REXO5: variants seen among roughly 807,000 people sequenced by gnomAD.
REXO5 encodes RNA exonuclease 5, also known as exonuclease NEF-sp.
A neutral mutation model predicts 88.5 loss-of-function variants in REXO5; 48 were observed. The ratio of observed to expected loss-of-function variants is 0.54; its 90% CI spans 0.43 to 0.69. REXO5 has a LOEUF of 0.69. Among genes scored for constraint, REXO5 ranks in the 30% least tolerant of loss-of-function variants. The pLI, the probability that REXO5 is intolerant of heterozygous loss-of-function variation, is 0.00. For synonymous variants in REXO5, 311 were observed against 336.5 expected, an observed-to-expected ratio of 0.92 and a Z score of 0.83; for missense variants, 749 against 912.2, an observed-to-expected ratio of 0.82 and a Z score of 2.30.
At chr16:20,807,983 C>T (rs746683809) in intron 2 of REXO5, among the ~76,000 whole-genome samples, 48 of 152,136 alleles carry the variant, frequency 3.2e-4, no homozygotes, top group Non-Finnish European at 6.2e-4. Context: ...GAGCGGTGGC[C>T]GATAGAACGT....
In REXO5 at chr16:20,843,947, T is replaced by A. The variant is rs1418477253; in HGVS notation, c.1640T>A (p.Ile547Lys). The change falls in exon 16 of 20, where the codon ATA (isoleucine) becomes AAA (lysine). Residue 547 changes from isoleucine to lysine, a missense_variant. Ile to Lys is a moderately radical substitution (Grantham distance 102, BLOSUM62 -3). Transcript: ENST00000261377. ...VLETRQPHLC[I>K]QYEVLEAAQL... ...GTCTTTCTGCAGCCTCATCTCTGTA[T>A]ACAGTATGAAGTCCTAGAAGCTGCC... 1 of 1,605,268 alleles carries A rather than the reference T, an allele frequency of 6.2e-7. No homozygotes were observed. Among genetic ancestry groups the A allele is most frequent in the Admixed American group, 1.7e-5 (1 of 59,938 alleles).
chr16:20,811,143 G>A (rs776307377), intron 2 of REXO5, among the ~76,000 whole-genome samples: 1 of 152,026 alleles, frequency 6.6e-6, no homozygotes, highest in South Asian at 2.1e-4. Context: ...TCCTAGTCCT[G>A]GACTGTCTCC....
At chr16:20,827,536 C>T (rs2081278007) in intron 10 of REXO5, 89 bp downstream of exon 10, 3 of 944,940 alleles carry the variant, frequency 3.2e-6, no homozygotes, top group African/African-American at 3.3e-5. Context: ...TTGCAAAATT[C>T]AGGGTTTCTG....
At chr16:20,824,564 C>T (rs2081233334) in intron 7 of REXO5, 37 bp downstream of exon 7, 2 of 1,230,806 alleles carry the variant, frequency 1.6e-6, no homozygotes, top group African/African-American at 3.0e-5. Flanking sequence ...TGGAGTGTTG[C>T]AAGCTGAGGT....
intron 14 of REXO5, 21 bp downstream of exon 14, chr16:20,839,880 G>T (rs1192133206): frequency 4.1e-6 from 6 of 1,448,722 alleles, no homozygotes; most frequent in Non-Finnish European, 4.8e-6. Flanking sequence ...GGGTTCTGCT[G>T]AATGATTTAT....
In REXO5 at chr16:20,806,575, G is replaced by A. The variant is rs1038558720; in HGVS notation, c.-133G>A. The A allele has an allele frequency of 6.8e-7, 1 of 1,463,732 alleles. No homozygotes were observed. Among genetic ancestry groups the A allele is most frequent in the Non-Finnish European group, 9.0e-7 (1 of 1,106,264 alleles). The allele number at this position is 1,463,732 out of a possible 1,614,324, so 90.7% of individuals were successfully genotyped here. ...AGGGGAGAACCTCTGCTCCCCGCCC[G>A]TCTTCTCTTCTGCGTTTCCCGGGCT... is the stretch of plus-strand genomic sequence containing the variant. On this transcript the variant is annotated 5_prime_UTR_variant, in exon 1 of 20. Transcript: ENST00000261377.
intron 2 of REXO5, among the ~76,000 whole-genome samples, chr16:20,810,319 G>C (rs146516833): frequency 2.0e-5 from 3 of 152,062 alleles, no homozygotes; most frequent in African/African-American, 7.2e-5. Context: ...ATATTTTTCT[G>C]TATTTTACTT....
intron 19 of REXO5, among the ~76,000 whole-genome samples, chr16:20,848,763 G>A (rs1026426764): frequency 6.6e-6 from 1 of 152,162 alleles, no homozygotes; most frequent in Admixed American, 6.5e-5. Context: ...ACCACACCAG[G>A]TTTTTTACAA....
Position 20,813,344 on chromosome 16 carries a change from C to CTTT in REXO5, c.251+60_251+62dup, listed in dbSNP as rs56875427. The CTTT allele has an allele frequency of 1.1e-3, 681 of 643,734 alleles. 6 individuals carry two copies. In the African/African-American group the frequency reaches 0.012, roughly 12 times the overall value. The allele number at this position is 643,734 out of a possible 1,614,324, so 39.9% of individuals were successfully genotyped here. A position where few individuals can be genotyped will look rare whatever the true frequency, so the allele number is the denominator to read the frequency against. ...AATGGTGGGTATTGACCAGCGGTTT[C>CTTT]TTTTTTTTTTTTTTTTTTTTACCTC... On this transcript the variant is annotated intron_variant, in intron 3 of 19. Transcript: ENST00000261377.
rs568198182 is a variant in REXO5 at position 20,814,848 on chromosome 16, C to T, written c.252-79C>T. 6.5e-6 allele frequency: 9 copies of T among 1,393,144 alleles called. No individual in the cohort carries two copies. The East Asian group carries it at 2.0e-4, about 32-fold the overall frequency. The allele number at this position is 1,393,144 out of a possible 1,614,324, so 86.3% of individuals were successfully genotyped here. On this transcript the variant is annotated intron_variant, in intron 3 of 19. Coordinates refer to ENST00000261377, the MANE Select transcript of REXO5 (RefSeq NM_030941.3). ...TCACTCACTGCTTTTCCTGCGCCTT[C>T]TCCCCTATTTCCCCTCTATATGACT...
chr16:20,813,887 A>C (rs932498097), intron 3 of REXO5, among the ~76,000 whole-genome samples: 36 of 152,014 alleles, frequency 2.4e-4, no homozygotes, highest in Middle Eastern at 3.2e-3. Context: ...AGCGAGACTC[A>C]GGCCCTACAA....
chr16:20,844,909 C>T, intron 17 of REXO5, 64 bp downstream of exon 17: 1 of 1,554,398 alleles, frequency 6.4e-7, no homozygotes, highest in Non-Finnish European at 8.8e-7. Flanking sequence ...AACATGAGGT[C>T]AGAGAAAGGA....
intron 19 of REXO5, among the ~76,000 whole-genome samples, chr16:20,848,602 A>C (rs1436199712): frequency 6.6e-6 from 1 of 152,220 alleles, no homozygotes; most frequent in African/African-American, 2.4e-5. Flanking sequence ...GTTTAAGTTC[A>C]TACATCAGGT....
In REXO5 at chr16:20,822,549, A is replaced by G. The variant is rs1285549379; in HGVS notation, c.616+647A>G. Among the ~76,000 whole-genome samples, 5 of 152,314 alleles carry G rather than the reference A, an allele frequency of 3.3e-5. No homozygotes were observed. In the East Asian group the frequency reaches 9.6e-4, roughly 29 times the overall value. ...AATTTTAGAACACTTCTATCATCCCAAAAGAAACCCTGTATTATAATTTCC... is the reference window on the plus strand; with the variant it reads ...AATTTTAGAACACTTCTATCATCCCGAAAGAAACCCTGTATTATAATTTCC... On this transcript the variant is annotated intron_variant, in intron 6 of 19. Coordinates refer to ENST00000261377, the MANE Select transcript of REXO5 (RefSeq NM_030941.3).
intron 11 of REXO5, among the ~76,000 whole-genome samples, chr16:20,830,990 G>GTTTTTTTTTTTTTT (rs11337519): frequency 1.0e-5 from 1 of 97,076 alleles, no homozygotes; most frequent in Non-Finnish European, 2.0e-5. Flanking sequence ...TTCTTTTTCT[G>GTTTTTTTTTTTTTT]TTTTTTTTTT....
Position 20,821,850 on chromosome 16 carries a change from C to T in REXO5, c.564C>T (p.Thr188=), listed in dbSNP as rs181571833. 17 of 1,606,238 alleles carry T rather than the reference C, an allele frequency of 1.1e-5. No homozygotes were observed. Among genetic ancestry groups the T allele is most frequent in the Non-Finnish European group, 1.4e-5 (17 of 1,177,448 alleles). ...QKYGSKKVGL[T]RCLLTKEEMR... ...ATGGCTCTAAGAAAGTGGGCTTGACCAGATGCCTTCTGACAAAGGAGGAAA... is the reference window on the plus strand; with the variant it reads ...ATGGCTCTAAGAAAGTGGGCTTGACTAGATGCCTTCTGACAAAGGAGGAAA... Residue 188 remains threonine (T), a synonymous_variant, in exon 6 of 20, where the codon ACC becomes ACT. Transcript: ENST00000261377.
chr16:20,846,367 G>A (rs1320542231), intron 19 of REXO5, 28 bp downstream of exon 19: 1 of 1,542,172 alleles, frequency 6.5e-7, no homozygotes, highest in Admixed American at 1.7e-5. Flanking sequence ...TATCCCTTCA[G>A]GACTCTGTCC....
rs2152509640 is a variant in REXO5 at position 20,836,606 on chromosome 16, A to C, written c.1384-3149A>C. Reference sequence around the variant, plus strand: ...TATAAATGTCTGTGTGCAGGTTTTCATGTGTACATAAGTTTCAAACACATT... The same window carrying C: ...TATAAATGTCTGTGTGCAGGTTTTCCTGTGTACATAAGTTTCAAACACATT... On this transcript the variant is annotated intron_variant, in intron 13 of 19. Transcript: ENST00000261377. 1.3e-5 allele frequency among the ~76,000 whole-genome samples: 2 copies of C among 152,334 alleles called. 1 individual carries two copies. The highest frequency in any genetic ancestry group is 4.1e-4 in the South Asian group (2 of 4,832).
rs145485689 is a variant in REXO5, at chr16:20,833,018, G to A, written c.1278G>A (p.Leu426=). The change falls in exon 13 of 20, where the codon TTG becomes TTA. Residue 426 remains leucine, a synonymous_variant. Coordinates refer to ENST00000261377, the MANE Select transcript of REXO5 (RefSeq NM_030941.3). The part of the protein sequence containing the change: ...QHPNTSVLEC[L]DSVGQKLLFL... ...TTCTTTATAGTGTTTTAGAATGCTT[G>A]GATTCAGTGGGTCAGAAGCTTCTTT... 5.1e-5 allele frequency: 83 copies of A among 1,613,504 alleles called. No homozygotes were observed. In the African/African-American group the frequency reaches 9.9e-4, roughly 19 times the overall value.
Sources: allele counts gnomAD v4.1 joint callset (sites outside exome capture counted in the v4.1 genomes callset), GRCh38; gene constraint gnomAD v4.1.1; transcripts MANE v1.5; gene names NCBI Gene and HGNC (gene_info 2026-07-23, HGNC 2026-07-21).